Variants in SH3PXD2A observed in about 807,000 individuals in gnomAD.
SH3PXD2A encodes SH3 and PX domains 2A.
SH3PXD2A carries 32 observed loss-of-function variants against 115.2 expected under a neutral mutation model. That is an observed-to-expected ratio of 0.28 (90% confidence interval 0.21 to 0.37). SH3PXD2A has a LOEUF of 0.37. Among genes scored for constraint, SH3PXD2A ranks in the 10% least tolerant of loss-of-function variants. SH3PXD2A has a pLI of 1.00. For synonymous variants in SH3PXD2A, 610 were observed against 629.1 expected, an observed-to-expected ratio of 0.97 and a Z score of 0.45; for missense variants, 1,328 against 1,498.7, an observed-to-expected ratio of 0.89 and a Z score of 1.88.
At chr10:103,631,309 A>T (rs997910740) in intron 8 of SH3PXD2A, among the ~76,000 whole-genome samples, 2 of 152,198 alleles carry the variant, frequency 1.3e-5, no homozygotes, top group Non-Finnish European at 1.5e-5. Flanking sequence ...AGAAATTTAC[A>T]AGTTAGGCAC....
chr10:103,630,927 C>T (rs12220738), intron 8 of SH3PXD2A, among the ~76,000 whole-genome samples: 19,680 of 152,076 alleles, frequency 0.13, 1,532 homozygotes, highest in East Asian at 0.31. Context: ...TCCCCCTTAT[C>T]CACATGGTAT....
intron 10 of SH3PXD2A, among the ~76,000 whole-genome samples, chr10:103,617,952 C>A (rs1011134439): frequency 1.3e-5 from 2 of 152,222 alleles, no homozygotes; most frequent in Non-Finnish European, 2.9e-5. Context: ...GAAGCAGTTA[C>A]ATGTGTTTTG....
chr10:103,691,492 AT>A (rs2037751176), intron 6 of SH3PXD2A, among the ~76,000 whole-genome samples: 1 of 152,014 alleles, frequency 6.6e-6, no homozygotes, highest in African/African-American at 2.4e-5. Flanking sequence ...CACAACCCCC[AT>A]TTTGCTGCGC....
intron 1 of SH3PXD2A, among the ~76,000 whole-genome samples, chr10:103,819,543 A>C (rs1354576257): frequency 5.3e-5 from 8 of 151,864 alleles, no homozygotes; most frequent in African/African-American, 1.9e-4. Flanking sequence ...CCCAGCTCTG[A>C]GGCTCGAGGG....
chr10:103,659,899 C>T (rs1474635531), intron 8 of SH3PXD2A, among the ~76,000 whole-genome samples: 1 of 152,158 alleles, frequency 6.6e-6, no homozygotes. Context: ...CACCAGGAGG[C>T]ACAGGGTTCT....
At chr10:103,774,430 T>G (rs2038859399) in intron 2 of SH3PXD2A, among the ~76,000 whole-genome samples, 1 of 152,216 alleles carries the variant, frequency 6.6e-6, no homozygotes, top group Non-Finnish European at 1.5e-5. Context: ...TTTCCATTTC[T>G]CTACTATCTG....
At chr10:103,772,338 G>A (rs373215435) in intron 2 of SH3PXD2A, among the ~76,000 whole-genome samples, 20 of 152,312 alleles carry the variant, frequency 1.3e-4, no homozygotes, top group African/African-American at 4.8e-4. Flanking sequence ...TGAACCTGCT[G>A]CCCCGCCCTC....
rs377387586 is a variant in SH3PXD2A at position 103,602,294 on chromosome 10, A to G, written c.2924T>C (p.Val975Ala). 5.0e-5 allele frequency: 80 copies of G among 1,612,858 alleles called. No individual in the cohort carries two copies. Among genetic ancestry groups the G allele is most frequent in the Non-Finnish European group, 6.6e-5 (78 of 1,179,786 alleles). Reference sequence around the variant, plus strand: ...AAACACCGACTGGGGCCTGACCGCCACCTGCCGCACTCCGTTCCTCATCTT... The same window carrying G: ...AAACACCGACTGGGGCCTGACCGCCGCCTGCCGCACTCCGTTCCTCATCTT... ...AVKMRNGVRQ[V>A]AVRPQSVFVS... The change falls in exon 15 of 15, where the codon GTG (valine) becomes GCG (alanine). Residue 975 changes from valine to alanine, a missense_variant. Val to Ala is a moderately conservative substitution (Grantham distance 64, BLOSUM62 0). Around this residue, in one of 5 missense-constraint regions of SH3PXD2A, gnomAD observed 574 missense variants for 565.7 expected, o/e 1.01. Coordinates refer to ENST00000369774, the MANE Select transcript of SH3PXD2A (RefSeq NM_001394015.1).
Position 103,601,703 on chromosome 10 carries a change from G to T in SH3PXD2A, c.*113C>A, listed in dbSNP as rs202039051. ...CACCCATTCTGCAGTGTTGAATGTT[G>T]TCCACCCCCCACCCCCCACCCCCAT... On this transcript the variant is annotated 3_prime_UTR_variant, in exon 15 of 15. Transcript: ENST00000369774. 12 of 248,252 alleles carry T rather than the reference G, an allele frequency of 4.8e-5. No homozygotes were observed. The South Asian group carries it at 6.3e-4, about 13-fold the overall frequency. 15.4% of individuals were successfully genotyped at this position (248,252 alleles called of 1,614,324 possible).
At chr10:103,638,588 T>C (rs1345829152) in intron 8 of SH3PXD2A, among the ~76,000 whole-genome samples, 15 of 152,276 alleles carry the variant, frequency 9.9e-5, no homozygotes, top group Non-Finnish European at 2.2e-4. Context: ...GAGGCCCAGC[T>C]CTGCTACTTG....
At chr10:103,685,337 CA>C (rs775424414) in intron 6 of SH3PXD2A, among the ~76,000 whole-genome samples, 5,802 of 56,300 alleles carry the variant, frequency 0.1, 120 homozygotes, top group African/African-American at 0.2. Flanking sequence ...AACTCTGTCT[CA>C]AAAAAAAAAA....
At chr10:103,637,124 G>A (rs774323106) in intron 8 of SH3PXD2A, among the ~76,000 whole-genome samples, 14 of 152,162 alleles carry the variant, frequency 9.2e-5, no homozygotes, top group Non-Finnish European at 1.6e-4. Flanking sequence ...TGAACAACAC[G>A]CATCCGGGAC....
At chr10:103,764,534 A>G (rs949827886) in intron 3 of SH3PXD2A, among the ~76,000 whole-genome samples, 22 of 152,320 alleles carry the variant, frequency 1.4e-4, no homozygotes, top group African/African-American at 5.3e-4. Flanking sequence ...TGGGAGCTGG[A>G]AGGTGTCTCC....
In SH3PXD2A at chr10:103,693,052, A is replaced by T; in HGVS notation, c.403T>A (p.Tyr135Asn). Residue 135 changes from tyrosine to asparagine, a missense_variant, in exon 6 of 15, where the codon TAT becomes AAT. This residue lies in a region of SH3PXD2A where 90 missense variants were observed against 71.1 expected (regional missense o/e 1.27). Transcript: ENST00000369774. ...PEDVNPPKED[Y>N]GSSKRKSVWL... ...CCTGATTTCCTCTTGGAACTGCCAT[A>T]GTCCCTGAAAAAGAAGCAACAACAG... is the stretch of plus-strand genomic sequence containing the variant. 1 of 1,613,636 alleles carries T rather than the reference A, an allele frequency of 6.2e-7. No individual in the cohort carries two copies. The highest frequency in any genetic ancestry group is 8.5e-7 in the Non-Finnish European group (1 of 1,179,694).
chr10:103,755,189 A>G (rs1043868708), intron 3 of SH3PXD2A: 2 of 152,208 alleles, frequency 1.3e-5, no homozygotes, highest in African/African-American at 2.4e-5. Flanking sequence ...GGATTCTAGG[A>G]GGCTGCATTC....
At chr10:103,671,254 T>C (rs1317864926) in intron 6 of SH3PXD2A, among the ~76,000 whole-genome samples, 1 of 152,210 alleles carries the variant, frequency 6.6e-6, no homozygotes, top group Non-Finnish European at 1.5e-5. Context: ...CTGTTGAGAC[T>C]ACTCAACTCT....
At chr10:103,680,195 T>G (rs1272377476) in intron 6 of SH3PXD2A, among the ~76,000 whole-genome samples, 2 of 151,970 alleles carry the variant, frequency 1.3e-5, no homozygotes, top group African/African-American at 4.8e-5. Flanking sequence ...GCCAGGCTGG[T>G]CTCAAACTCC....
chr10:103,750,316 G>A (rs1348940363), intron 3 of SH3PXD2A, among the ~76,000 whole-genome samples: 2 of 152,200 alleles, frequency 1.3e-5, no homozygotes, highest in South Asian at 2.1e-4. Context: ...GCCTACAAAA[G>A]TGCTGGGATT....
chr10:103,671,654 G>T (rs1005249198), intron 6 of SH3PXD2A, among the ~76,000 whole-genome samples: 1 of 152,190 alleles, frequency 6.6e-6, no homozygotes, highest in Non-Finnish European at 1.5e-5. Context: ...GAACAGAGGA[G>T]AGCCCCTGGC....
Sources: gnomAD v4.1 joint callset for allele counts (sites outside exome capture counted in the v4.1 genomes callset) on GRCh38, gnomAD v4.1.1 for gene constraint, gnomAD v4.1.1 regional missense constraint, MANE v1.5 for transcripts, NCBI Gene and HGNC (gene_info 2026-07-23, HGNC 2026-07-21) for gene names.